Variants in CDC25C observed in about 807,000 individuals in gnomAD.
CDC25C encodes the protein cell division cycle 25C, also known as M-phase inducer phosphatase 3.
Under a neutral mutation model 52.5 loss-of-function variants are expected in CDC25C, and 48 were observed. That is an observed-to-expected ratio of 0.91 (90% CI 0.72 to 1.16). The LOEUF is 1.16. Ranked by LOEUF, CDC25C falls within the 50% of genes most tolerant of loss-of-function variation. CDC25C has a pLI of 0.00. For synonymous variants in CDC25C, 187 were observed against 206.5 expected (o/e 0.91, Z 0.81); for missense variants, 510 against 566.1 (o/e 0.90, Z 1.01).
intron 7 of CDC25C, among the ~76,000 whole-genome samples, chr5:138,311,482 C>T (rs1312054178): frequency 1.3e-5 from 2 of 151,986 alleles, no homozygotes; most frequent in Non-Finnish European, 2.9e-5. Flanking sequence ...GTAGTACTAG[C>T]TACTATGGAC....
chr5:138,286,206 AG>A (rs916465735), intron 12 of CDC25C, 73 bp from the exon 13 acceptor site: 26 of 1,144,078 alleles, frequency 2.3e-5, no homozygotes, highest in African/African-American at 9.2e-5. Context: ...TTCACTGGGG[AG>A]GGGGGAGAGG....
intron 4 of CDC25C, 30 bp downstream of exon 4, chr5:138,328,454 G>T (rs375298349): frequency 3.7e-6 from 6 of 1,608,086 alleles, no homozygotes; most frequent in East Asian, 2.2e-5. Flanking sequence ...AAAGGCTTTT[G>T]TGTGGGGTTC....
At chr5:138,314,603 CTTT>C (rs907033621) in intron 7 of CDC25C, among the ~76,000 whole-genome samples, 1 of 114,712 alleles carries the variant, frequency 8.7e-6, no homozygotes, top group Non-Finnish European at 1.8e-5. Flanking sequence ...GCCTATAGCA[CTTT>C]TTTTTTTTTT....
Position 138,328,465 on chromosome 5 carries a change from A to AT in CDC25C, c.335+18dup. The AT allele has an allele frequency of 6.2e-7, 1 of 1,612,220 alleles. No individual in the cohort carries two copies. Among genetic ancestry groups the AT allele is most frequent in the Non-Finnish European group, 8.5e-7 (1 of 1,178,322 alleles). On this transcript the variant is annotated intron_variant, in intron 4 of 13. Transcript: ENST00000323760. Reference sequence around the variant, plus strand: ...GCTAAAAGGCTTTTGTGTGGGGTTCATTTAACAACAGAACTTACATCCCAG... The same window carrying AT: ...GCTAAAAGGCTTTTGTGTGGGGTTCATTTTAACAACAGAACTTACATCCCAG...
chr5:138,296,854 C>G (rs1470639171), intron 7 of CDC25C, among the ~76,000 whole-genome samples: 1 of 150,594 alleles, frequency 6.6e-6, no homozygotes, highest in African/African-American at 2.4e-5. Context: ...ATCTGCCCGC[C>G]TCGGCCTCCC....
Position 138,287,172 on chromosome 5 carries a change from G to T in CDC25C, c.1023C>A (p.Ile341=), listed in dbSNP as rs768462434. The change falls in exon 11 of 14, where the codon ATC becomes ATA. Residue 341 remains isoleucine (I), a synonymous_variant. Coordinates refer to ENST00000323760, the MANE Select transcript of CDC25C (RefSeq NM_001790.5). ...AATGGCCACAATGTCGTCTCACCTG[G>T]ATGTGTCCTCCCAGATACTCATATG... ...RYPYEYLGGH[I]QGALNLYSQE... The T allele has an allele frequency of 6.2e-7, 1 of 1,609,120 alleles. No individual in the cohort carries two copies. The highest frequency in any genetic ancestry group is 1.7e-5 in the Admixed American group (1 of 59,962).
rs72803826 is a variant in CDC25C at position 138,310,644 on chromosome 5, C to T, written c.615+8575G>A. Among the ~76,000 whole-genome samples the T allele has an allele frequency of 1.4e-3, 212 of 152,302 alleles. 1 individual carries two copies. Among genetic ancestry groups the T allele is most frequent in the Middle Eastern group, 3.4e-3 (1 of 294 alleles). ...TAATTAACTCATTCGATCCTGACAACAACCCAAGAAATTGAACACAAGGAG... is the reference window on the plus strand; with the variant it reads ...TAATTAACTCATTCGATCCTGACAATAACCCAAGAAATTGAACACAAGGAG... On this transcript the variant is annotated intron_variant, in intron 7 of 13. Transcript: ENST00000323760.
In CDC25C at chr5:138,292,000, CT is replaced by C. The variant is rs765464033; in HGVS notation, c.731del (p.Lys244SerfsTer15). ...DNTIPDKVKK[K>X]YFSGQGKLRK... The stretch of plus-strand genomic sequence containing the variant: ...TGAGCTTTCCTTGGCCAGAAAAATA[CT>C]TTTTTTTAACTTTATCTGGTATTGT... On this transcript the variant is annotated frameshift_variant, in exon 8 of 14. Transcript: ENST00000323760. LOFTEE classifies it high-confidence loss of function. 1.7e-5 allele frequency: 28 copies of C among 1,607,936 alleles called. No individual in the cohort carries two copies. The highest frequency in any genetic ancestry group is 5.1e-5 in the Admixed American group (3 of 59,376).
intron 6 of CDC25C, among the ~76,000 whole-genome samples, chr5:138,321,510 T>C (rs764700866): frequency 2.0e-5 from 3 of 151,938 alleles, no homozygotes; most frequent in African/African-American, 2.4e-5. Context: ...TCCCAGCACT[T>C]TGGGAGGCCG....
rs201957656 is a variant in CDC25C, at chr5:138,329,694, T to C, written c.195-47A>G. On this transcript the variant is annotated intron_variant, in intron 2 of 13. Coordinates refer to ENST00000323760, the MANE Select transcript of CDC25C (RefSeq NM_001790.5). Reference sequence around the variant, plus strand: ...TCGAAATTCCCATTAGATTATTATATCCTTAAAAGTCAAAGATCATGTCAT... The same window carrying C: ...TCGAAATTCCCATTAGATTATTATACCCTTAAAAGTCAAAGATCATGTCAT... The C allele has an allele frequency of 4.0e-5, 39 of 970,916 alleles. No individual in the cohort carries two copies. In the East Asian group the frequency reaches 8.7e-4, roughly 22 times the overall value. The allele number at this position is 970,916 out of a possible 1,614,324, so 60.1% of individuals were successfully genotyped here.
intron 7 of CDC25C, among the ~76,000 whole-genome samples, 159 bp from the exon 8 acceptor site, chr5:138,292,275 C>A (rs149326899): frequency 2.6e-5 from 4 of 152,040 alleles, no homozygotes; most frequent in African/African-American, 7.2e-5. Flanking sequence ...TAACAAGATG[C>A]CCAGGTGATT....
intron 6 of CDC25C, among the ~76,000 whole-genome samples, chr5:138,323,727 G>A (rs1016005003): frequency 6.6e-6 from 1 of 152,028 alleles, no homozygotes; most frequent in Non-Finnish European, 1.5e-5. Flanking sequence ...TTGGGAGGCC[G>A]AGGTGGGTGG....
chr5:138,310,160 C>T (rs1417389845), intron 7 of CDC25C, among the ~76,000 whole-genome samples: 1 of 152,158 alleles, frequency 6.6e-6, no homozygotes, highest in Non-Finnish European at 1.5e-5. Flanking sequence ...TTCACCATAC[C>T]TATTCTTCCT....
At chr5:138,325,977 A>G (rs1235851419) in intron 5 of CDC25C, 44 bp downstream of exon 5, 1 of 1,613,068 alleles carries the variant, frequency 6.2e-7, no homozygotes, top group Non-Finnish European at 8.5e-7. Flanking sequence ...TCTGCCTCCC[A>G]CCTGAAAAGC....
chr5:138,327,667 C>T (rs1217479737), intron 4 of CDC25C, among the ~76,000 whole-genome samples: 1 of 151,992 alleles, frequency 6.6e-6, no homozygotes, highest in Non-Finnish European at 1.5e-5. Flanking sequence ...AAGTAAAATG[C>T]TTGGTATGTG....
chr5:138,287,315 G>T, intron 10 of CDC25C, 48 bp from the exon 11 acceptor site: 5 of 1,327,060 alleles, frequency 3.8e-6, no homozygotes. Context: ...CACTCTGAGG[G>T]AGAGAAGGGT....
At chr5:138,291,870 GGAA>G in intron 8 of CDC25C, 97 bp downstream of exon 8, 1 of 897,952 alleles carries the variant, frequency 1.1e-6, no homozygotes, top group Non-Finnish European at 1.6e-6. Flanking sequence ...AAAGTAAAGA[GGAA>G]GAAGACAAAA....
intron 7 of CDC25C, among the ~76,000 whole-genome samples, chr5:138,298,673 C>T (rs1006450441): frequency 3.3e-5 from 5 of 151,574 alleles, no homozygotes; most frequent in African/African-American, 1.2e-4. Flanking sequence ...TCGCTTGAAC[C>T]TGGGAGGCGG....
At chr5:138,314,280 C>T (rs907061014) in intron 7 of CDC25C, among the ~76,000 whole-genome samples, 2 of 149,732 alleles carry the variant, frequency 1.3e-5, no homozygotes, top group Admixed American at 1.3e-4. Context: ...TTATTCAAAT[C>T]GTCCTGTCAT....
Sources: allele counts gnomAD v4.1 joint callset (sites outside exome capture counted in the v4.1 genomes callset), GRCh38; gene constraint gnomAD v4.1.1; transcripts MANE v1.5; gene names NCBI Gene and HGNC (gene_info 2026-07-23, HGNC 2026-07-21).